SRGAP3: variants seen among roughly 807,000 people sequenced by gnomAD.
SRGAP3 encodes the protein SLIT-ROBO Rho GTPase-activating protein 3.
In SRGAP3, 39 loss-of-function variants were observed where a neutral mutation model predicts 121.1. The ratio of observed to expected loss-of-function variants is 0.32; its 90% CI spans 0.25 to 0.42. The LOEUF is 0.42. SRGAP3 is among the 10% of genes least tolerant of loss of function. The pLI is 1.00. For synonymous variants in SRGAP3, 601 were observed against 570.0 expected (o/e 1.05, Z -0.77); for missense variants, 1,213 against 1,470.6 (o/e 0.82, Z 2.86).
chr3:9,089,806 C>A (rs992987000), intron 3 of SRGAP3, among the ~76,000 whole-genome samples: 1 of 152,196 alleles, frequency 6.6e-6, no homozygotes, highest in Non-Finnish European at 1.5e-5. Flanking sequence ...GGCTCCAGCT[C>A]CTTGCCTTCA....
chr3:9,069,303 A>G (rs1398077385), intron 4 of SRGAP3, among the ~76,000 whole-genome samples: 1 of 152,126 alleles, frequency 6.6e-6, no homozygotes, highest in African/African-American at 2.4e-5. Context: ...AAGGGGGTAG[A>G]TGGGGAAAGT....
intron 1 of SRGAP3, among the ~76,000 whole-genome samples, chr3:9,159,383 C>T (rs541874659): frequency 6.6e-6 from 1 of 152,336 alleles, no homozygotes; most frequent in Admixed American, 6.5e-5. Flanking sequence ...CCTGGCCTCA[C>T]CACCCACCTC....
intron 3 of SRGAP3, among the ~76,000 whole-genome samples, chr3:9,269,043 A>G (rs996842928): frequency 1.3e-5 from 2 of 152,200 alleles, no homozygotes; most frequent in Non-Finnish European, 1.5e-5. Flanking sequence ...TTGGAATCTC[A>G]GTGTTGGCCG....
chr3:9,161,806 A>T (rs1950607827), intron 1 of SRGAP3, among the ~76,000 whole-genome samples: 1 of 152,138 alleles, frequency 6.6e-6, no homozygotes, highest in Non-Finnish European at 1.5e-5. Flanking sequence ...ACTTTAGACC[A>T]GGCCAGTAGC....
At chr3:9,204,117 T>G (rs910045130) in intron 1 of SRGAP3, among the ~76,000 whole-genome samples, 3 of 152,212 alleles carry the variant, frequency 2.0e-5, no homozygotes, top group African/African-American at 7.2e-5. Context: ...CAGCAGTGAA[T>G]GAATGAAACC....
At chr3:9,151,286 GCA>G (rs908638576) in intron 1 of SRGAP3, among the ~76,000 whole-genome samples, 15 of 152,202 alleles carry the variant, frequency 9.9e-5, no homozygotes, top group African/African-American at 3.6e-4. Flanking sequence ...CAGCCCAAGG[GCA>G]CGGAGGTGGG....
chr3:9,135,723 T>G (rs1949620086), intron 1 of SRGAP3, among the ~76,000 whole-genome samples: 1 of 152,210 alleles, frequency 6.6e-6, no homozygotes, highest in African/African-American at 2.4e-5. Context: ...AGGCACCTGG[T>G]GGACCCTCGG....
chr3:9,270,053 G>C (rs1954443145), intron 3 of SRGAP3, among the ~76,000 whole-genome samples: 1 of 152,060 alleles, frequency 6.6e-6, no homozygotes, highest in African/African-American at 2.4e-5. Flanking sequence ...GTAGATCTGG[G>C]GTGGGGCTGA....
chr3:9,036,820 G>A (rs1316740387), intron 11 of SRGAP3: 3 of 151,944 alleles, frequency 2.0e-5, no homozygotes, highest in East Asian at 1.9e-4. Context: ...ACATTCTCTC[G>A]CCAGAAAAGA....
At chr3:9,280,876 C>G (rs1954663269) in intron 3 of SRGAP3, among the ~76,000 whole-genome samples, 1 of 152,178 alleles carries the variant, frequency 6.6e-6, no homozygotes, top group African/African-American at 2.4e-5. Flanking sequence ...GCAAGCCACT[C>G]CAATAAGACT....
At chr3:9,009,373 C>T (rs1057373333) in intron 18 of SRGAP3, among the ~76,000 whole-genome samples, 10 of 152,150 alleles carry the variant, frequency 6.6e-5, no homozygotes, top group Admixed American at 1.3e-4. Flanking sequence ...TTGGTGCATC[C>T]TGGGCCGTAT....
At chr3:9,330,226 A>G (rs1465209570) in intron 2 of SRGAP3, among the ~76,000 whole-genome samples, 1 of 152,190 alleles carries the variant, frequency 6.6e-6, no homozygotes, top group Non-Finnish European at 1.5e-5. Flanking sequence ...TGAATTTCCA[A>G]AAGCCATATT....
intron 1 of SRGAP3, among the ~76,000 whole-genome samples, chr3:9,339,389 T>A (rs1575016734): frequency 6.6e-6 from 1 of 152,178 alleles, no homozygotes; most frequent in Admixed American, 6.5e-5. Context: ...AATCAAATGA[T>A]GTATGCAAAT....
intron 3 of SRGAP3, among the ~76,000 whole-genome samples, chr3:9,321,464 C>T (rs1030142989): frequency 6.6e-6 from 1 of 151,728 alleles, no homozygotes; most frequent in Non-Finnish European, 1.5e-5. Flanking sequence ...TCTGACCAAC[C>T]GATAGTTGTC....
chr3:9,005,271 T>C (rs531260126), intron 18 of SRGAP3, among the ~76,000 whole-genome samples: 77 of 152,288 alleles, frequency 5.1e-4, no homozygotes, highest in South Asian at 2.1e-4. Flanking sequence ...AAAAGTCAGA[T>C]AGTAACAAGT....
chr3:9,215,246 G>A (rs1000807052), intron 1 of SRGAP3, among the ~76,000 whole-genome samples: 5 of 152,146 alleles, frequency 3.3e-5, no homozygotes, highest in African/African-American at 1.2e-4. Flanking sequence ...TCCCAAAGGC[G>A]AGCAGCCCTT....
chr3:9,288,129 TG>T (rs1201640975), intron 3 of SRGAP3, among the ~76,000 whole-genome samples: 353 of 131,832 alleles, frequency 2.7e-3, no homozygotes, highest in Admixed American at 4.8e-3. Flanking sequence ...ATTCTATCTT[TG>T]TTTTTTTTTT....
intron 3 of SRGAP3, among the ~76,000 whole-genome samples, chr3:9,090,160 A>C (rs1332093939): frequency 6.6e-6 from 1 of 152,210 alleles, no homozygotes; most frequent in African/African-American, 2.4e-5. Flanking sequence ...CGGCCTTCTG[A>C]AAACGCTCCA....
At chr3:9,350,776 G>A (rs750981197) in intron 1 of SRGAP3, among the ~76,000 whole-genome samples, 3 of 152,096 alleles carry the variant, frequency 2.0e-5, no homozygotes, top group Admixed American at 1.3e-4. Flanking sequence ...AAAAATCAGT[G>A]GCCTAATGAT....
Sources: allele counts gnomAD v4.1 joint callset (sites outside exome capture counted in the v4.1 genomes callset), GRCh38; gene constraint gnomAD v4.1.1; transcripts MANE v1.5; gene names NCBI Gene and HGNC (gene_info 2026-07-23, HGNC 2026-07-21).